DERA: variants seen among roughly 807,000 people sequenced by gnomAD.
The protein encoded by DERA is deoxyribose-phosphate aldolase.
Under a neutral mutation model 41.1 loss-of-function variants are expected in DERA, and 15 were observed. The observed-to-expected ratio is 0.37, with a 90% CI of 0.24 to 0.56. The LOEUF is 0.56. Ranked by LOEUF, DERA falls within the 20% of genes least tolerant of loss-of-function variation. The pLI, the probability that DERA is intolerant of heterozygous loss-of-function variation, is 0.81. For missense variants in DERA, 396 were observed against 403.4 expected, an observed-to-expected ratio of 0.98 and a Z score of 0.16; for synonymous variants, 139 against 137.4, an observed-to-expected ratio of 1.01 and a Z score of -0.08.
intron 5 of DERA, among the ~76,000 whole-genome samples, 161 bp downstream of exon 5, chr12:15,963,108 G>A (rs1948599608): frequency 6.6e-6 from 1 of 152,210 alleles, no homozygotes; most frequent in South Asian, 2.1e-4. Flanking sequence ...ACCCATCCTT[G>A]TGCCCCTCAT....
chr12:15,968,124 C>T (rs1179259818), intron 5 of DERA, among the ~76,000 whole-genome samples: 1 of 149,840 alleles, frequency 6.7e-6, no homozygotes, highest in Non-Finnish European at 1.5e-5. Context: ...TTCTTAGTTG[C>T]ATATACTTTA....
At chr12:15,934,374 C>G (rs1488368787) in intron 1 of DERA, among the ~76,000 whole-genome samples, 1 of 152,092 alleles carries the variant, frequency 6.6e-6, no homozygotes, top group African/African-American at 2.4e-5. Context: ...ATCACAAGGT[C>G]AGGAGATCGA....
intron 5 of DERA, among the ~76,000 whole-genome samples, chr12:15,968,447 T>C (rs1462981904): frequency 6.6e-6 from 1 of 152,162 alleles, no homozygotes; most frequent in African/African-American, 2.4e-5. Context: ...AAAGATAGCA[T>C]CCAAGTGGGG....
intron 1 of DERA, among the ~76,000 whole-genome samples, chr12:15,927,429 C>T (rs1437801154): frequency 6.6e-6 from 1 of 151,864 alleles, no homozygotes; most frequent in Non-Finnish European, 1.5e-5. Context: ...TTTGTGGTTG[C>T]CAAAATAGAC....
chr12:15,971,885 C>T, intron 5 of DERA: 2 of 318,082 alleles, frequency 6.3e-6, no homozygotes, highest in Middle Eastern at 4.2e-4. Flanking sequence ...GATTTTGGAG[C>T]ACAGTCAATC....
chr12:15,946,566 G>A (rs1026663925), intron 1 of DERA, among the ~76,000 whole-genome samples: 1 of 151,968 alleles, frequency 6.6e-6, no homozygotes, highest in African/African-American at 2.4e-5. Flanking sequence ...TGTGGGATTG[G>A]TGGTGATATC....
rs141360148 is a variant in DERA, at chr12:15,916,737, C to T, written c.31+5323C>T. 1.8e-3 allele frequency among the ~76,000 whole-genome samples: 271 copies of T among 152,228 alleles called. 2 individuals are homozygous for T. The highest frequency in any genetic ancestry group is 6.8e-3 in the Middle Eastern group (2 of 294). ...AAGTACTGGGATTACAGGCATGAGC[C>T]GTCGCACCTGGCACAATCCTGTTTC... On this transcript the variant is annotated intron_variant, in intron 1 of 8. Transcript: ENST00000428559.
rs74499962 is a variant in DERA at position 15,993,480 on chromosome 12, CTT to C, written c.637+11058_637+11059del. Among the ~76,000 whole-genome samples the C allele has an allele frequency of 7.3e-3, 981 of 135,080 alleles. 18 individuals carry two copies. The highest frequency in any genetic ancestry group is 0.025 in the African/African-American group (902 of 36,028). 88.6% of individuals were successfully genotyped at this position (135,080 alleles called of 152,430 possible). A position where few individuals can be genotyped will look rare whatever the true frequency, so the allele number is the denominator to read the frequency against. ...ATCTAGACTCCTGTGGTGTTGTGGC[CTT>C]TTTTTTTTTTTTTAAAAAAAATAAG... On this transcript the variant is annotated intron_variant, in intron 6 of 8. Transcript: ENST00000428559. This position sits in a 1 kb window ranked among gnomAD's most constrained non-coding sequence, Gnocchi z 4.4.
intron 6 of DERA, among the ~76,000 whole-genome samples, chr12:16,030,593 C>A (rs1949085963): frequency 6.6e-6 from 1 of 152,064 alleles, no homozygotes; most frequent in Non-Finnish European, 1.5e-5. Context: ...TTCATTCAAT[C>A]TCTATTTGGA....
chr12:15,948,451 T>C lies in DERA; in HGVS notation c.32-8485T>C, dbSNP rs143621974. Among the ~76,000 whole-genome samples the C allele has an allele frequency of 5.3e-5, 8 of 152,320 alleles. No individual in the cohort carries two copies. The East Asian group carries it at 1.5e-3, about 29-fold the overall frequency. On this transcript the variant is annotated intron_variant, in intron 1 of 8. Transcript: ENST00000428559. ...TTCTCACTTCATTTCATACATTTGA[T>C]CTTGAATCATTGATACCCTTTCTTC...
chr12:15,923,747 C>G (rs1817658068), intron 1 of DERA, among the ~76,000 whole-genome samples: 1 of 147,654 alleles, frequency 6.8e-6, no homozygotes, highest in Admixed American at 6.8e-5. Context: ...ATCTCTTCCT[C>G]TCTTCTATTC....
intron 1 of DERA, among the ~76,000 whole-genome samples, chr12:15,925,486 GAAA>G (rs900800374): frequency 1.3e-5 from 2 of 150,190 alleles, no homozygotes; most frequent in Non-Finnish European, 3.0e-5. Flanking sequence ...TTTTAAGTGT[GAAA>G]AAAAAAGATG....
chr12:15,973,714 A>C (rs1035556054), intron 5 of DERA, among the ~76,000 whole-genome samples: 1 of 152,116 alleles, frequency 6.6e-6, no homozygotes, highest in Non-Finnish European at 1.5e-5. Flanking sequence ...AGCCATTAAT[A>C]ATTGCTCCAT....
chr12:16,029,564 T>C (rs956844375), intron 6 of DERA, among the ~76,000 whole-genome samples: 2 of 152,192 alleles, frequency 1.3e-5, no homozygotes, highest in African/African-American at 4.8e-5. Context: ...TGGAAAATAC[T>C]GTAGTTTTTT....
chr12:15,978,228 A>G (rs79995902), intron 5 of DERA, among the ~76,000 whole-genome samples: 2,623 of 152,334 alleles, frequency 0.017, 78 homozygotes, highest in African/African-American at 0.06. Context: ...AGTCCTCAAA[A>G]CGACCTAAAC....
chr12:15,946,555 C>T (rs1334538813), intron 1 of DERA, among the ~76,000 whole-genome samples: 1 of 151,872 alleles, frequency 6.6e-6, no homozygotes, highest in Non-Finnish European at 1.5e-5. Flanking sequence ...GTTTGTGTTT[C>T]TGTGGGATTG....
intron 1 of DERA, among the ~76,000 whole-genome samples, chr12:15,926,599 G>A (rs112918541): frequency 0.033 from 5,060 of 152,128 alleles, 305 homozygotes; most frequent in African/African-American, 0.11. Context: ...AGCCGGGCGT[G>A]GTGGCGGGCG....
At chr12:15,927,966 A>G (rs139227159) in intron 1 of DERA, among the ~76,000 whole-genome samples, 2,041 of 152,344 alleles carry the variant, frequency 0.013, 25 homozygotes, top group Middle Eastern at 0.031. Context: ...TTCTCTTGCT[A>G]ACTTTTAATG....
rs941268340 is a variant in DERA at position 15,995,759 on chromosome 12, A to C, written c.637+13323A>C. ...GAGATAAATTGAACCCTTCTCATGA[A>C]GAGTGGTTGGAAAGAAAGTGGACAT... On this transcript the variant is annotated intron_variant, in intron 6 of 8. Transcript: ENST00000428559. The surrounding 1 kb of genome is among the most constrained non-coding windows in gnomAD (Gnocchi z 5.1). Among the ~76,000 whole-genome samples, 1 of 152,194 alleles carries C rather than the reference A, an allele frequency of 6.6e-6. No homozygotes were observed. The highest frequency in any genetic ancestry group is 6.5e-5 in the Admixed American group (1 of 15,282).
Sources: allele counts gnomAD v4.1 joint callset (sites outside exome capture counted in the v4.1 genomes callset), GRCh38; gene constraint gnomAD v4.1.1; non-coding constraint Gnocchi (gnomAD v3.1); transcripts MANE v1.5; gene names NCBI Gene and HGNC (gene_info 2026-07-23, HGNC 2026-07-21).